The following LRRC4C variants were observed in gnomAD, a reference collection of about 807,000 sequenced individuals.
The protein encoded by LRRC4C is leucine-rich repeat-containing protein 4C.
In LRRC4C, 5 loss-of-function variants were observed where a neutral mutation model predicts 33.6. That is an observed-to-expected ratio of 0.15 (90% CI 0.08 to 0.31). The LOEUF is 0.31. LRRC4C is among the 10% of genes least tolerant of loss of function. LRRC4C has a pLI of 1.00. For missense variants in LRRC4C, 560 were observed against 796.7 expected (o/e 0.70, Z 3.58); for synonymous variants, 329 against 302.0 (o/e 1.09, Z -0.93).
At chr11:41,008,099 A>G (rs1454148361) in intron 1 of LRRC4C, among the ~76,000 whole-genome samples, 2 of 152,108 alleles carry the variant, frequency 1.3e-5, no homozygotes, top group Non-Finnish European at 2.9e-5. Context: ...CATACCTAAG[A>G]GTAGCCCACT....
At chr11:41,215,242 C>T (rs980730177) in intron 1 of LRRC4C, among the ~76,000 whole-genome samples, 20 of 151,726 alleles carry the variant, frequency 1.3e-4, no homozygotes, top group East Asian at 3.9e-4. Context: ...AACCCCAGCA[C>T]GTTGGGAGGC....
intron 1 of LRRC4C, among the ~76,000 whole-genome samples, chr11:41,293,510 A>G (rs1015175572): frequency 1.3e-5 from 2 of 152,114 alleles, no homozygotes; most frequent in African/African-American, 4.8e-5. Flanking sequence ...AATATCACAC[A>G]CTTTTTACAA....
intron 3 of LRRC4C, among the ~76,000 whole-genome samples, chr11:40,475,080 G>T (rs775296248): frequency 3.9e-5 from 6 of 152,136 alleles, no homozygotes; most frequent in Admixed American, 1.3e-4. Flanking sequence ...AATACCATTT[G>T]ATCCAGCAAT....
At position 41,432,051 on chromosome 11, in the gene LRRC4C, G is replaced by C. The variant is rs187538973; in HGVS notation, c.-496+27380C>G. 4.6e-5 allele frequency among the ~76,000 whole-genome samples: 7 copies of C among 152,280 alleles called. No homozygotes were observed. In the East Asian group the frequency reaches 1.2e-3, roughly 25 times the overall value. ...GGTCACCAGCGAGAAAAGTTAGGTT[G>C]AAGTGGTACATTATGCATAATTGGT... On this transcript the variant is annotated intron_variant, in intron 1 of 6. Transcript: ENST00000528697.
intron 3 of LRRC4C, among the ~76,000 whole-genome samples, chr11:40,465,380 T>C (rs1952600906): frequency 1.3e-5 from 2 of 151,838 alleles, no homozygotes; most frequent in Admixed American, 6.6e-5. Context: ...TAGAGAAAAT[T>C]CTTCTGGACA....
At chr11:40,614,152 C>A (rs1961520006) in intron 3 of LRRC4C, among the ~76,000 whole-genome samples, 1 of 151,886 alleles carries the variant, frequency 6.6e-6, no homozygotes, top group South Asian at 2.1e-4. Flanking sequence ...GTATTGACTT[C>A]TCTCTAGCTA....
intron 2 of LRRC4C, among the ~76,000 whole-genome samples, chr11:40,663,298 G>T (rs1311951745): frequency 6.6e-6 from 1 of 152,118 alleles, no homozygotes; most frequent in Admixed American, 6.5e-5. Context: ...GTTCAAGCTG[G>T]TTTCGAACTC....
At chr11:41,444,254 G>A (rs1482591765) in intron 1 of LRRC4C, among the ~76,000 whole-genome samples, 1 of 152,124 alleles carries the variant, frequency 6.6e-6, no homozygotes, top group Non-Finnish European at 1.5e-5. Flanking sequence ...TTAAAAATAT[G>A]CACAGTTGTG....
chr11:40,493,876 T>A (rs556044668), intron 3 of LRRC4C, among the ~76,000 whole-genome samples: 2 of 152,156 alleles, frequency 1.3e-5, no homozygotes, highest in Non-Finnish European at 2.9e-5. Context: ...TGTTTACTGT[T>A]CTCCATCCTA....
chr11:40,395,365 T>C (rs2137490502), intron 3 of LRRC4C, among the ~76,000 whole-genome samples: 1 of 152,288 alleles, frequency 6.6e-6, no homozygotes, highest in African/African-American at 2.4e-5. Context: ...TTTTCTGATG[T>C]CTTCACAGTG....
At chr11:40,912,486 A>G (rs1956743958) in intron 2 of LRRC4C, among the ~76,000 whole-genome samples, 1 of 152,196 alleles carries the variant, frequency 6.6e-6, no homozygotes, top group Admixed American at 6.5e-5. Flanking sequence ...CTTTACAGAC[A>G]AGCAAATGCT....
intron 5 of LRRC4C, among the ~76,000 whole-genome samples, chr11:40,185,200 A>T (rs1861309585): frequency 6.6e-6 from 1 of 152,194 alleles, no homozygotes; most frequent in South Asian, 2.1e-4. Flanking sequence ...GTGTATATAC[A>T]TGTGCTTGTG....
At chr11:40,324,215 T>C (rs548759886) in intron 3 of LRRC4C, among the ~76,000 whole-genome samples, 3 of 152,234 alleles carry the variant, frequency 2.0e-5, no homozygotes, top group Non-Finnish European at 4.4e-5. Flanking sequence ...ATCCTTAAAA[T>C]CATGCAGATG....
chr11:41,290,417 C>T (rs1247881391), intron 1 of LRRC4C, among the ~76,000 whole-genome samples: 1 of 152,118 alleles, frequency 6.6e-6, no homozygotes, highest in Non-Finnish European at 1.5e-5. Context: ...GAATAGGCTA[C>T]AAATACGTGT....
rs114969348 is a variant in LRRC4C, at chr11:41,197,594, T to G, written c.-496+261837A>C. ...ATTCTTTACTAGCAAAATATAGAGA[T>G]AGAGATTATTTTTTCTCCAGAGACA... On this transcript the variant is annotated intron_variant, in intron 1 of 6. Transcript: ENST00000528697. Among the ~76,000 whole-genome samples the G allele has an allele frequency of 7.7e-3, 1,169 of 152,028 alleles. 12 individuals are homozygous for G. Among genetic ancestry groups the G allele is most frequent in the African/African-American group, 0.026 (1,094 of 41,522 alleles).
At chr11:40,672,585 T>C (rs569576931) in intron 2 of LRRC4C, among the ~76,000 whole-genome samples, 10 of 152,330 alleles carry the variant, frequency 6.6e-5, no homozygotes, top group African/African-American at 2.2e-4. Flanking sequence ...AGAATCTTGA[T>C]AGGAAAACTG....
At chr11:40,899,861 G>A (rs771372102) in intron 2 of LRRC4C, among the ~76,000 whole-genome samples, 1 of 152,142 alleles carries the variant, frequency 6.6e-6, no homozygotes, top group Non-Finnish European at 1.5e-5. Context: ...TTTGGTTTAA[G>A]TATGGTTCAC....
At chr11:40,386,336 A>C (rs1393552067) in intron 3 of LRRC4C, among the ~76,000 whole-genome samples, 1 of 152,168 alleles carries the variant, frequency 6.6e-6, no homozygotes, top group Non-Finnish European at 1.5e-5. Flanking sequence ...TTAAGAATCA[A>C]ACCAAACTGG....
chr11:40,751,041 G>A (rs970228920), intron 2 of LRRC4C, among the ~76,000 whole-genome samples: 16 of 151,162 alleles, frequency 1.1e-4, no homozygotes, highest in Admixed American at 5.3e-4. Flanking sequence ...AGTAGATGCC[G>A]AAAAACACAA....
Sources: allele counts gnomAD v4.1 joint callset (sites outside exome capture counted in the v4.1 genomes callset), GRCh38; gene constraint gnomAD v4.1.1; transcripts MANE v1.5; gene names NCBI Gene and HGNC (gene_info 2026-07-23, HGNC 2026-07-21).